The following SH3BGRL variants were observed in gnomAD, a reference collection of about 807,000 sequenced individuals.
SH3BGRL encodes adapter SH3BGRL.
SH3BGRL carries 7 observed loss-of-function variants against 9.8 expected under a neutral mutation model. That is an observed-to-expected ratio of 0.72 (90% confidence interval 0.41 to 1.35). SH3BGRL has a LOEUF of 1.35. Among genes scored for constraint, SH3BGRL ranks in the 40% most tolerant of loss-of-function variants. The pLI, the probability that SH3BGRL is intolerant of heterozygous loss-of-function variation, is 0.01. For missense variants in SH3BGRL, 73 were observed against 84.4 expected (o/e 0.86, Z 0.53); for synonymous variants, 36 against 29.1 (o/e 1.24, Z -0.76).
At chrX:81,231,845 A>G (rs753493259) in intron 1 of SH3BGRL, among the ~76,000 whole-genome samples, 1 of 112,442 alleles carries the variant, frequency 8.9e-6, no homozygotes, top group Non-Finnish European at 1.9e-5. Flanking sequence ...GTGCTATCAA[A>G]TGAAATTAAT....
chrX:81,251,219 G>A (rs1311056014), intron 1 of SH3BGRL, among the ~76,000 whole-genome samples: 3 of 111,538 alleles, frequency 2.7e-5, no homozygotes, highest in African/African-American at 9.8e-5. Flanking sequence ...TTGAATGCTG[G>A]AAAATGTATT....
chrX:81,285,430 T>A (rs1001078268), intron 3 of SH3BGRL, among the ~76,000 whole-genome samples: 1 of 111,655 alleles, frequency 9.0e-6, no homozygotes, highest in Non-Finnish European at 1.9e-5. Context: ...GGCAAATACG[T>A]GTCAAGGATC....
chrX:81,233,242 T>C (rs998557624), intron 1 of SH3BGRL, among the ~76,000 whole-genome samples: 5 of 111,957 alleles, frequency 4.5e-5, no homozygotes, highest in Non-Finnish European at 9.4e-5. Context: ...CTACACATAT[T>C]GAAAAAAATA....
intron 1 of SH3BGRL, among the ~76,000 whole-genome samples, chrX:81,273,298 C>T (rs1215957090): frequency 8.9e-6 from 1 of 112,587 alleles, no homozygotes; most frequent in African/African-American, 3.2e-5. Context: ...CGTTGCCATT[C>T]TCTTGGCTCC....
chrX:81,278,097 G>C (rs1271656189), intron 2 of SH3BGRL, among the ~76,000 whole-genome samples: 2 of 111,461 alleles, frequency 1.8e-5, no homozygotes, highest in South Asian at 3.8e-4. Context: ...CAAGTAGCGG[G>C]GATTACAGGC....
chrX:81,233,122 ATAG>A (rs1174831296), intron 1 of SH3BGRL, among the ~76,000 whole-genome samples: 2 of 111,625 alleles, frequency 1.8e-5, no homozygotes, highest in African/African-American at 6.5e-5. Flanking sequence ...ATCTTCTATA[ATAG>A]TAGTTGAATT....
intron 1 of SH3BGRL, among the ~76,000 whole-genome samples, chrX:81,260,997 C>G (rs1166651580): frequency 9.5e-6 from 1 of 105,794 alleles, no homozygotes; most frequent in Non-Finnish European, 2.0e-5. Context: ...AGCAAAATCA[C>G]AGACTGGTAA....
chrX:81,255,594 A>G (rs1000907305), intron 1 of SH3BGRL: 2 of 112,277 alleles, frequency 1.8e-5, no homozygotes, highest in African/African-American at 6.5e-5. Flanking sequence ...AATTTGAACA[A>G]TCTGCCAAAG....
intron 1 of SH3BGRL, among the ~76,000 whole-genome samples, chrX:81,231,980 G>C (rs757864866): frequency 2.4e-4 from 26 of 110,616 alleles, no homozygotes; most frequent in Admixed American, 5.8e-4. Flanking sequence ...ACACACACAC[G>C]TATATGTATA....
rs1317234803 is a variant in SH3BGRL at position 81,298,050 on chromosome X, A to C, written c.*823A>C. ...GACTTTTAAATAACTCTTATAAAAC[A>C]GGTTGGCGATCATTTCCCAAGATTG... On this transcript the variant is annotated 3_prime_UTR_variant, in exon 4 of 4. Transcript: ENST00000373212. The C allele has an allele frequency of 1.8e-5, 2 of 112,043 alleles. No homozygotes were observed. The highest frequency in any genetic ancestry group is 1.9e-4 in the Admixed American group (2 of 10,557). 9.2% of individuals were successfully genotyped at this position (112,043 alleles called of 1,213,427 possible).
At chrX:81,292,527 A>G (rs141289422) in intron 3 of SH3BGRL, among the ~76,000 whole-genome samples, 1,594 of 112,201 alleles carry the variant, frequency 0.014, 28 homozygotes, top group African/African-American at 0.048. Context: ...GGCCTCTGAA[A>G]TGCCCTGGAG....
chrX:81,233,767 A>G (rs2075639715), intron 1 of SH3BGRL, among the ~76,000 whole-genome samples: 1 of 111,006 alleles, frequency 9.0e-6, no homozygotes, highest in African/African-American at 3.3e-5. Context: ...TACCTTGCCC[A>G]AGGTCTTATA....
Position 81,297,380 on chromosome X carries a change from A to G in SH3BGRL, c.*153A>G. The G allele has an allele frequency of 2.2e-6, 1 of 448,082 alleles. No individual in the cohort carries two copies. Among genetic ancestry groups the G allele is most frequent in the South Asian group, 4.1e-5 (1 of 24,142 alleles). The allele number at this position is 448,082 out of a possible 1,213,427, so 36.9% of individuals were successfully genotyped here. The stretch of plus-strand genomic sequence containing the variant: ...ATGCAAACATTCAAAATGAATACAA[A>G]ATTAAAATTTGAACATTATGGTGAT... On this transcript the variant is annotated 3_prime_UTR_variant, in exon 4 of 4. Transcript: ENST00000373212.
chrX:81,224,463 G>A (rs1047033915), intron 1 of SH3BGRL, among the ~76,000 whole-genome samples: 6 of 99,949 alleles, frequency 6.0e-5, no homozygotes, highest in Admixed American at 1.1e-4. Flanking sequence ...TTGAAAGAAA[G>A]GATTTTTTTT....
chrX:81,226,999 A>G (rs186217465), intron 1 of SH3BGRL, among the ~76,000 whole-genome samples: 2 of 112,134 alleles, frequency 1.8e-5, no homozygotes, highest in African/African-American at 3.2e-5. Context: ...TGCCATTGTT[A>G]AGTCATTTAT....
chrX:81,290,709 TAAC>T (rs951651266), intron 3 of SH3BGRL, among the ~76,000 whole-genome samples: 2 of 111,057 alleles, frequency 1.8e-5, no homozygotes, highest in African/African-American at 6.6e-5. Context: ...TACTTTAAGA[TAAC>T]TAATAATATA....
chrX:81,258,717 A>G (rs1244298587), intron 1 of SH3BGRL, among the ~76,000 whole-genome samples: 1 of 112,034 alleles, frequency 8.9e-6, no homozygotes. Flanking sequence ...ATACTGCCTT[A>G]CCCTTCATAT....
At chrX:81,272,837 C>A (rs2075785613) in intron 1 of SH3BGRL, among the ~76,000 whole-genome samples, 1 of 111,513 alleles carries the variant, frequency 9.0e-6, no homozygotes, top group African/African-American at 3.3e-5. Flanking sequence ...GTGACCCTTC[C>A]TAGGGTAGCA....
chrX:81,230,029 T>C (rs995690821), intron 1 of SH3BGRL, among the ~76,000 whole-genome samples: 1 of 111,704 alleles, frequency 9.0e-6, no homozygotes, highest in Non-Finnish European at 1.9e-5. Flanking sequence ...AGGTTGAGTG[T>C]GAATTCCACC....
Sources: gnomAD v4.1 joint callset for allele counts (sites outside exome capture counted in the v4.1 genomes callset) on GRCh38, gnomAD v4.1.1 for gene constraint, MANE v1.5 for transcripts, NCBI Gene and HGNC (gene_info 2026-07-23, HGNC 2026-07-21) for gene names.